FKTN: variants seen among roughly 807,000 people sequenced by gnomAD.
The protein encoded by FKTN is fukutin, also known as ribitol-5-phosphate transferase FKTN.
Under a neutral mutation model 58.6 loss-of-function variants are expected in FKTN, and 47 were observed. The observed-to-expected ratio is 0.80, with a 90% CI of 0.63 to 1.02. The LOEUF (loss-of-function observed/expected upper bound fraction) is 1.02, where lower values mean the gene tolerates loss of function less well. FKTN is among the 50% of genes least tolerant of loss of function. The probability of loss-of-function intolerance (pLI) is 0.00; values close to 1 mark genes in which losing one functional copy is unlikely to be tolerated. For missense variants in FKTN, 516 were observed against 537.3 expected (o/e 0.96, Z 0.39); for synonymous variants, 178 against 191.9 (o/e 0.93, Z 0.60).
At chr9:105,565,875 C>T (rs896055671) in intron 1 of FKTN, among the ~76,000 whole-genome samples, 6 of 152,162 alleles carry the variant, frequency 3.9e-5, no homozygotes, top group African/African-American at 1.4e-4. Flanking sequence ...CACACTTACT[C>T]CAAAGTTGAC....
chr9:105,602,320 A>G (rs1230963326), intron 5 of FKTN, among the ~76,000 whole-genome samples: 2 of 152,232 alleles, frequency 1.3e-5, no homozygotes, highest in East Asian at 1.9e-4. Context: ...TCTAAATGCC[A>G]GTTTGTCATT....
intron 1 of FKTN, among the ~76,000 whole-genome samples, chr9:105,566,698 C>G (rs1347856841): frequency 6.6e-6 from 1 of 152,110 alleles, no homozygotes; most frequent in Non-Finnish European, 1.5e-5. Flanking sequence ...GGATTCACAG[C>G]CGAATTCTAC....
At chr9:105,628,195 G>A (rs574898806) in intron 10 of FKTN, among the ~76,000 whole-genome samples, 68 of 152,182 alleles carry the variant, frequency 4.5e-4, no homozygotes, top group African/African-American at 1.3e-3. Flanking sequence ...TTAAATGAGT[G>A]TATTTAAAAC....
Position 105,596,583 on chromosome 9 carries a change from T to G in FKTN, c.106-15T>G, listed in dbSNP as rs1405865107. 8 of 1,605,064 alleles carry G rather than the reference T, an allele frequency of 5.0e-6. No homozygotes were observed. Among genetic ancestry groups the G allele is most frequent in the African/African-American group, 1.3e-5 (1 of 74,738 alleles). On this transcript the variant is annotated splice_polypyrimidine_tract_variant and intron_variant, in intron 3 of 10. Coordinates refer to ENST00000357998, the MANE Select transcript of FKTN (RefSeq NM_001079802.2). ...ACTTTGAATTTACTAAAAAGTTCTTTTGTTGTCTTCCTAGAATGGAGCTGG... is the reference window on the plus strand; with the variant it reads ...ACTTTGAATTTACTAAAAAGTTCTTGTGTTGTCTTCCTAGAATGGAGCTGG...
At chr9:105,600,147 C>A (rs951744250) in intron 4 of FKTN, among the ~76,000 whole-genome samples, 2 of 152,178 alleles carry the variant, frequency 1.3e-5, no homozygotes, top group Admixed American at 6.5e-5. Flanking sequence ...AGGTAATAAA[C>A]CCCTATAAGG....
At chr9:105,631,142 C>G (rs1423035805) in intron 10 of FKTN, among the ~76,000 whole-genome samples, 4 of 151,806 alleles carry the variant, frequency 2.6e-5, no homozygotes, top group Non-Finnish European at 4.4e-5. Flanking sequence ...AACAAACAAA[C>G]AAAAAAATCT....
intron 1 of FKTN, among the ~76,000 whole-genome samples, chr9:105,571,171 A>G (rs1396545695): frequency 6.6e-6 from 1 of 152,176 alleles, no homozygotes; most frequent in East Asian, 1.9e-4. Context: ...GGATACAGAG[A>G]AAGTGGAGAC....
chr9:105,636,635 T>C lies in FKTN; in HGVS notation c.*1371T>C, dbSNP rs1184540377. 1.6e-6 allele frequency: 2 copies of C among 1,225,180 alleles called. No homozygotes were observed. The highest frequency in any genetic ancestry group is 1.4e-5 in the South Asian group (1 of 69,528). 75.9% of individuals were successfully genotyped at this position (1,225,180 alleles called of 1,614,324 possible). A position where few individuals can be genotyped will look rare whatever the true frequency, so the allele number is the denominator to read the frequency against. Reference sequence around the variant, plus strand: ...TGTAAGTGAGAGGTAAAGGAAAATGTAGGCACAATAAGCACTGCTATTTTT... The same window carrying C: ...TGTAAGTGAGAGGTAAAGGAAAATGCAGGCACAATAAGCACTGCTATTTTT... On this transcript the variant is annotated 3_prime_UTR_variant, in exon 11 of 11. Coordinates refer to ENST00000357998, the MANE Select transcript of FKTN (RefSeq NM_001079802.2).
chr9:105,614,935 G>T (rs1157889920), intron 7 of FKTN, among the ~76,000 whole-genome samples: 1 of 150,314 alleles, frequency 6.7e-6, no homozygotes, highest in African/African-American at 2.5e-5. Context: ...CCAGGCTGGA[G>T]TATAGTGGTG....
intron 7 of FKTN, among the ~76,000 whole-genome samples, chr9:105,612,135 T>C (rs1830035805): frequency 6.6e-6 from 1 of 152,154 alleles, no homozygotes; most frequent in Non-Finnish European, 1.5e-5. Flanking sequence ...TGATCAGTGA[T>C]GTTGAACTTT....
At chr9:105,570,965 T>C (rs1048680991) in intron 1 of FKTN, among the ~76,000 whole-genome samples, 1 of 152,120 alleles carries the variant, frequency 6.6e-6, no homozygotes, top group Non-Finnish European at 1.5e-5. Context: ...GCAAAAACCA[T>C]AGACTATGTG....
At chr9:105,559,157 GC>G (rs1250545869) in intron 1 of FKTN, among the ~76,000 whole-genome samples, 1 of 152,204 alleles carries the variant, frequency 6.6e-6, no homozygotes. Context: ...TTGAATTCCA[GC>G]ATGCAATAGT....
intron 5 of FKTN, 58 bp downstream of exon 5, chr9:105,601,406 T>A: frequency 3.3e-6 from 4 of 1,200,356 alleles, no homozygotes; most frequent in Non-Finnish European, 4.9e-6. Flanking sequence ...TAGTATAGGT[T>A]TAGGCTAGTT....
chr9:105,639,335 C>T lies in FKTN; in HGVS notation c.*4071C>T. ...AAGGCAATGTGTTGCCATAAAAAGA[C>T]CACAAGCTTTTGAGTTAGGCCTGAA... On this transcript the variant is annotated 3_prime_UTR_variant, in exon 11 of 11. Transcript: ENST00000357998. 1.0e-6 allele frequency: 1 copy of T among 961,024 alleles called. No homozygotes were observed. The highest frequency in any genetic ancestry group is 1.2e-6 in the Non-Finnish European group (1 of 807,702). 59.5% of individuals were successfully genotyped at this position (961,024 alleles called of 1,614,324 possible). A position where few individuals can be genotyped will look rare whatever the true frequency, so the allele number is the denominator to read the frequency against.
intron 1 of FKTN, among the ~76,000 whole-genome samples, chr9:105,567,489 T>C (rs1267753464): frequency 6.6e-6 from 1 of 152,116 alleles, no homozygotes; most frequent in Admixed American, 6.5e-5. Flanking sequence ...TCACAAGCAT[T>C]CTTATACACC....
At chr9:105,578,913 C>G (rs1311042715) in intron 3 of FKTN, among the ~76,000 whole-genome samples, 1 of 152,022 alleles carries the variant, frequency 6.6e-6, no homozygotes, top group East Asian at 1.9e-4. Flanking sequence ...GTGTATGTGT[C>G]AAGGAATTTA....
intron 3 of FKTN, among the ~76,000 whole-genome samples, chr9:105,593,714 A>C (rs1474047712): frequency 6.6e-6 from 1 of 152,206 alleles, no homozygotes; most frequent in Non-Finnish European, 1.5e-5. Flanking sequence ...AAACAGAGAA[A>C]AAACAGAAAT....
chr9:105,580,077 GT>G (rs1842581761), intron 3 of FKTN, among the ~76,000 whole-genome samples: 1 of 151,866 alleles, frequency 6.6e-6, no homozygotes, highest in Non-Finnish European at 1.5e-5. Context: ...CGTGAGATGG[GT>G]TTCCTGAATA....
chr9:105,568,188 C>G (rs996070406), intron 1 of FKTN, among the ~76,000 whole-genome samples: 2 of 151,966 alleles, frequency 1.3e-5, no homozygotes, highest in Non-Finnish European at 2.9e-5. Flanking sequence ...CCATAAAAAC[C>G]CTAGAAGAAA....
Sources: gnomAD v4.1 joint callset for allele counts (sites outside exome capture counted in the v4.1 genomes callset) on GRCh38, gnomAD v4.1.1 for gene constraint, MANE v1.5 for transcripts, NCBI Gene and HGNC (gene_info 2026-07-23, HGNC 2026-07-21) for gene names.